PDZD7: variants seen among roughly 807,000 people sequenced by gnomAD.
PDZD7 encodes PDZ domain containing 7.
Under a neutral mutation model 84.7 loss-of-function variants are expected in PDZD7, and 72 were observed. The ratio of observed to expected loss-of-function variants is 0.85; its 90% CI spans 0.70 to 1.03. The LOEUF (loss-of-function observed/expected upper bound fraction) is 1.03. PDZD7 is among the 50% of genes least tolerant of loss of function. The probability of loss-of-function intolerance (pLI) is 0.00; values close to 1 mark genes in which losing one functional copy is unlikely to be tolerated. For missense variants in PDZD7, 1,490 were observed against 1,412.9 expected (o/e 1.05, Z -0.87); for synonymous variants, 594 against 580.7 (o/e 1.02, Z -0.33).
rs562975475 is a variant in PDZD7 at position 101,009,118 on chromosome 10, C to T, written c.2718+132G>A. On this transcript the variant is annotated intron_variant, in intron 16 of 16. Coordinates refer to ENST00000619208, the MANE Select transcript of PDZD7 (RefSeq NM_001195263.2). The stretch of plus-strand genomic sequence containing the variant: ...GGCCTGCTCATCCTGCTCACCTGAA[C>T]CCCCTCACCCCAAGCCTCCTCCCAC... The T allele has an allele frequency of 1.9e-5, 16 of 861,552 alleles. No individual in the cohort carries two copies. The South Asian group carries it at 2.3e-4, about 12-fold the overall frequency. 53.4% of individuals were successfully genotyped at this position (861,552 alleles called of 1,614,324 possible). A position where few individuals can be genotyped will look rare whatever the true frequency, so the allele number is the denominator to read the frequency against.
chr10:101,030,636 T>A, intron 1 of PDZD7: 2 of 363,762 alleles, frequency 5.5e-6, no homozygotes, highest in South Asian at 4.6e-5. Flanking sequence ...CCGTCCCCAG[T>A]CCTCAGTAGA....
chr10:101,019,782 C>T (rs10883574), intron 7 of PDZD7, among the ~76,000 whole-genome samples: 81,650 of 151,444 alleles, frequency 0.54, 22,686 homozygotes, highest in African/African-American at 0.66. Flanking sequence ...CCCACCACCA[C>T]ACCCAGCTAA....
At chr10:101,009,599 C>CTTTTTTTTTTT (rs142806278) in intron 15 of PDZD7, among the ~76,000 whole-genome samples, 1 of 62,234 alleles carries the variant, frequency 1.6e-5, no homozygotes, top group Non-Finnish European at 2.7e-5. Flanking sequence ...GAGACAGAGT[C>CTTTTTTTTTTT]TTTTTTTTTT....
At chr10:101,027,605 T>C (rs924992676) in intron 2 of PDZD7, among the ~76,000 whole-genome samples, 1 of 152,188 alleles carries the variant, frequency 6.6e-6, no homozygotes, top group Admixed American at 6.5e-5. Context: ...CTGCAATCTA[T>C]CCCTGAATGA....
chr10:101,012,002 G>A lies in PDZD7; in HGVS notation c.1856C>T (p.Pro619Leu). Residue 619 changes from proline (P) to leucine (L), a missense_variant, in exon 13 of 17, where the codon CCC becomes CTC. Coordinates refer to ENST00000619208, the MANE Select transcript of PDZD7 (RefSeq NM_001195263.2). ...LLQDIRSVVA[P>L]TDLGRFDSMV... The stretch of plus-strand genomic sequence containing the variant: ...GCTGTCGAAGCGGCCCAGGTCTGTG[G>A]GGGCCACCACACTCCTGGGAGAGGG... The A allele has an allele frequency of 6.4e-7, 1 of 1,550,476 alleles. No individual in the cohort carries two copies. Among genetic ancestry groups the A allele is most frequent in the South Asian group, 1.2e-5 (1 of 84,046 alleles).
chr10:101,009,599 C>CTTT (rs142806278), intron 15 of PDZD7, among the ~76,000 whole-genome samples: 2,420 of 62,320 alleles, frequency 0.039, 28 homozygotes, highest in Non-Finnish European at 0.051. Context: ...GAGACAGAGT[C>CTTT]TTTTTTTTTT....
chr10:101,020,646 CATCTCCTTGTAGGCAGGATACCGGCCG>C lies in PDZD7; in HGVS notation c.873_899del (p.Gly292_Met300del). 6.2e-7 allele frequency: 1 copy of C among 1,614,056 alleles called. No individual in the cohort carries two copies. Among genetic ancestry groups the C allele is most frequent in the Non-Finnish European group, 8.5e-7 (1 of 1,179,976 alleles). ...GGTCCAGCCAGCAGTACTCAGAAAC[CATCTCCTTGTAGGCAGGATACCGGCCG>C]GTCTCCTGGGGAGGGGATGGTGGGC... is the stretch of plus-strand genomic sequence containing the variant. On this transcript the variant is annotated inframe_deletion, in exon 7 of 17. Transcript: ENST00000619208.
At chr10:101,023,892 C>A in intron 3 of PDZD7, 36 bp downstream of exon 3, 1 of 1,614,178 alleles carries the variant, frequency 6.2e-7, no homozygotes, top group Non-Finnish European at 8.5e-7. Flanking sequence ...GGAGTCACAT[C>A]CTAAGCGTGG....
Position 101,018,220 on chromosome 10 carries a change from C to T in PDZD7, c.1401G>A (p.Leu467=), listed in dbSNP as rs2134049414. The T allele has an allele frequency of 6.2e-7, 1 of 1,614,204 alleles. No homozygotes were observed. Among genetic ancestry groups the T allele is most frequent in the Non-Finnish European group, 8.5e-7 (1 of 1,180,038 alleles). ...EKGALQRSKT[L]MNLFFKGGRQ... ...GCCCTCCCTTGAAGAAGAGGTTCAT[C>T]AGCGTCTTGGAGCGCTGCAGGGCAC... is the stretch of plus-strand genomic sequence containing the variant. Residue 467 remains leucine (L), a synonymous_variant, in exon 9 of 17, where the codon CTG becomes CTA. Coordinates refer to ENST00000619208, the MANE Select transcript of PDZD7 (RefSeq NM_001195263.2).
rs1852366374 is a variant in PDZD7, at chr10:101,010,693, G to A, written c.2196C>T (p.Cys732=). 1 of 1,316,378 alleles carries A rather than the reference G, an allele frequency of 7.6e-7. No individual in the cohort carries two copies. Among genetic ancestry groups the A allele is most frequent in the African/African-American group, 1.5e-5 (1 of 65,606 alleles). 81.5% of individuals were successfully genotyped at this position (1,316,378 alleles called of 1,614,324 possible). Reference sequence around the variant, plus strand: ...CGGGGGGTAGCTGGGGAGGGGGTGTGCAGGCAATTCGGAGGGGGGTGAAGG... The same window carrying A: ...CGGGGGGTAGCTGGGGAGGGGGTGTACAGGCAATTCGGAGGGGGGTGAAGG... The part of the protein sequence containing the change: ...VDAFTPLRIA[C]TPPPQLPPVA... The change falls in exon 15 of 17, where the codon TGC becomes TGT. Residue 732 remains cysteine, a synonymous_variant. Transcript: ENST00000619208.
rs778472334 is a variant in PDZD7 at position 101,021,933 on chromosome 10, A to C, written c.732T>G (p.Gly244=). ...LGIYVSKVDH[G]GLAEENGIKV... is the part of the protein sequence containing the mutation. ...TGATGCCATTCTCCTCGGCCAGCCCACCATGGTCCACTCTGAGGCCAGACA... is the reference window on the plus strand; with the variant it reads ...TGATGCCATTCTCCTCGGCCAGCCCCCCATGGTCCACTCTGAGGCCAGACA... The change falls in exon 6 of 17, where the codon GGT becomes GGG. Residue 244 remains glycine (G), a synonymous_variant. Transcript: ENST00000619208. 1.2e-6 allele frequency: 2 copies of C among 1,614,062 alleles called. No individual in the cohort carries two copies. The highest frequency in any genetic ancestry group is 3.3e-5 in the Admixed American group (2 of 60,020).
Position 101,023,499 on chromosome 10 carries a change from T to A in PDZD7, c.479A>T (p.His160Leu). Residue 160 changes from histidine (H) to leucine (L), a missense_variant, in exon 4 of 17, where the codon CAC becomes CTC. Transcript: ENST00000619208. The part of the protein sequence containing the change: ...VKVLTSSSRL[H>L]MMVRRMGRVP... ...ACGGCCCATGCGCCGAACCATCATG[T>A]GCAGGCGGCTGCTGCTGGTCAGCAC... The A allele has an allele frequency of 1.2e-6, 2 of 1,614,156 alleles. No individual in the cohort carries two copies. The highest frequency in any genetic ancestry group is 1.7e-6 in the Non-Finnish European group (2 of 1,180,022).
At position 101,028,295 on chromosome 10, in the gene PDZD7, G is replaced by A. The variant is rs147884174; in HGVS notation, c.226+1699C>T. 3.2e-3 allele frequency among the ~76,000 whole-genome samples: 480 copies of A among 152,266 alleles called. 1 individual carries two copies. The highest frequency in any genetic ancestry group is 0.011 in the African/African-American group (453 of 41,556). ...AAACCCCTGGAAGAGGATCTTTAGA[G>A]GGACAGTATAGGCCAGGCATGGTGG... On this transcript the variant is annotated intron_variant, in intron 2 of 16. Coordinates refer to ENST00000619208, the MANE Select transcript of PDZD7 (RefSeq NM_001195263.2).
chr10:101,025,278 C>T (rs147841148), intron 2 of PDZD7, among the ~76,000 whole-genome samples: 1,939 of 152,156 alleles, frequency 0.013, 24 homozygotes, highest in Non-Finnish European at 0.022. Context: ...GATGCAATCT[C>T]GGTTCACTGC....
In PDZD7 at chr10:101,010,873, T is replaced by C. The variant is rs967178168; in HGVS notation, c.2016A>G (p.Gly672=). 3.9e-6 allele frequency: 6 copies of C among 1,533,822 alleles called. No individual in the cohort carries two copies. Among genetic ancestry groups the C allele is most frequent in the Non-Finnish European group, 5.2e-6 (6 of 1,146,774 alleles). The stretch of plus-strand genomic sequence containing the variant: ...CGTTCACCGGCAGCAGGTAGAAGCC[T>C]CCGCGGCTGTCTGGGGAAGAGCGCC... The part of the protein sequence containing the change: ...HLITPVPDSR[G]GFYLLPVNGF... The change falls in exon 15 of 17, where the codon GGA becomes GGG. Residue 672 remains glycine (G), a synonymous_variant. Coordinates refer to ENST00000619208, the MANE Select transcript of PDZD7 (RefSeq NM_001195263.2).
rs1179069732 is a variant in PDZD7 at position 101,010,671 on chromosome 10, G to A, written c.2218C>T (p.Pro740Ser). ...GGCCGCAGGGGCCGGGGAGCCACGG[G>A]GGGTAGCTGGGGAGGGGGTGTGCAG... ...IACTPPPQLP[P>S]VAPRPLRPNW... Residue 740 changes from proline to serine, a missense_variant, in exon 15 of 17, where the codon CCC (proline) becomes TCC (serine). By Grantham distance (74) the Pro-to-Ser change is moderately conservative (BLOSUM62 -1). Coordinates refer to ENST00000619208, the MANE Select transcript of PDZD7 (RefSeq NM_001195263.2). 3 of 1,522,724 alleles carry A rather than the reference G, an allele frequency of 2.0e-6. No homozygotes were observed. The highest frequency in any genetic ancestry group is 2.5e-5 in the East Asian group (1 of 40,618). The allele number at this position is 1,522,724 out of a possible 1,614,324, so 94.3% of individuals were successfully genotyped here.
At chr10:101,017,317 G>A (rs1590055077) in intron 9 of PDZD7, 1 of 326,366 alleles carries the variant, frequency 3.1e-6, no homozygotes. Flanking sequence ...GGGGACAGAT[G>A]TCTGATGATG....
In PDZD7 at chr10:101,023,451, T is replaced by C. The variant is rs1444049240; in HGVS notation, c.527A>G (p.Lys176Arg). 6.2e-7 allele frequency: 1 copy of C among 1,613,920 alleles called. No individual in the cohort carries two copies. The highest frequency in any genetic ancestry group is 8.5e-7 in the Non-Finnish European group (1 of 1,180,008). ...MGRVPGIKFSKEKTTWVDVVN... is the reference protein window; with the variant it reads ...MGRVPGIKFSREKTTWVDVVN... ...TGCTGCTCACCACGTGGTCTTCTCC[T>C]TGGAGAACTTGATGCCCGGCACACG... Residue 176 changes from lysine (K) to arginine (R), a missense_variant, in exon 4 of 17, where the codon AAG becomes AGG. Physicochemically the swap from Lys to Arg is conservative, Grantham distance 26 (BLOSUM62 2). Transcript: ENST00000619208.
Position 101,015,688 on chromosome 10 carries a change from TG to T in PDZD7, c.1696del (p.Gln566ArgfsTer4). On this transcript the variant is annotated frameshift_variant, in exon 11 of 17. Coordinates refer to ENST00000619208, the MANE Select transcript of PDZD7 (RefSeq NM_001195263.2). LOFTEE classifies it high-confidence loss of function. Reference protein sequence around the residue: ...SRRPLIQDLAQRLLTDDEVLA... With the variant: ...SRRPLIQDLAXRLLTDDEVLA... ...CACCTCGTCATCAGTCAGCAGCCTCTGGGCCAGGTCCTGAATGAGGGGCCGC... is the reference window on the plus strand; with the variant it reads ...CACCTCGTCATCAGTCAGCAGCCTCTGGCCAGGTCCTGAATGAGGGGCCGC... 1 of 1,550,456 alleles carries T rather than the reference TG, an allele frequency of 6.4e-7. No homozygotes were observed. Among genetic ancestry groups the T allele is most frequent in the South Asian group, 1.2e-5 (1 of 84,052 alleles).
Sources: allele counts gnomAD v4.1 joint callset (sites outside exome capture counted in the v4.1 genomes callset), GRCh38; gene constraint gnomAD v4.1.1; transcripts MANE v1.5; gene names NCBI Gene and HGNC (gene_info 2026-07-23, HGNC 2026-07-21).